The following AARSD1 variants were observed in gnomAD, a reference collection of about 807,000 sequenced individuals.
The protein encoded by AARSD1 is alanyl-tRNA synthetase domain containing 1.
In AARSD1, 44 loss-of-function variants were observed where a neutral mutation model predicts 48.7. The ratio of observed to expected loss-of-function variants is 0.90; its 90% CI spans 0.71 to 1.16. The LOEUF (loss-of-function observed/expected upper bound fraction) is 1.16. Among genes scored for constraint, AARSD1 ranks in the 50% most tolerant of loss-of-function variants. AARSD1 has a pLI of 0.00. For missense variants in AARSD1, 511 were observed against 523.1 expected (o/e 0.98, Z 0.23); for synonymous variants, 189 against 194.9 (o/e 0.97, Z 0.25).
intron 9 of AARSD1, among the ~76,000 whole-genome samples, chr17:42,954,487 T>G (rs12950605): frequency 0.59 from 89,444 of 151,584 alleles, 29,074 homozygotes; most frequent in East Asian, 0.84. Flanking sequence ...CAGGCCGGAG[T>G]GCTGTGGCGT....
chr17:42,955,055 C>G, intron 8 of AARSD1, 88 bp from the exon 9 acceptor site: 1 of 1,611,012 alleles, frequency 6.2e-7, no homozygotes, highest in Non-Finnish European at 8.5e-7. Flanking sequence ...TCCCCTCACT[C>G]CCACTTTGAC....
chr17:42,961,763 G>C (rs2049640376), intron 2 of AARSD1, among the ~76,000 whole-genome samples: 1 of 152,140 alleles, frequency 6.6e-6, no homozygotes, highest in Non-Finnish European at 1.5e-5. Context: ...GGGCATGGTA[G>C]CTTATTCCTG....
At chr17:42,952,045 A>C in intron 10 of AARSD1, 151 bp from the exon 11 acceptor site, 3 of 851,238 alleles carry the variant, frequency 3.5e-6, no homozygotes, top group Non-Finnish European at 5.3e-6. Context: ...GCCCCTCCAC[A>C]CTGGCCCACG....
intron 2 of AARSD1, among the ~76,000 whole-genome samples, chr17:42,962,708 C>T (rs2049654983): frequency 6.6e-6 from 1 of 152,190 alleles, no homozygotes; most frequent in Non-Finnish European, 1.5e-5. Context: ...GTCTACTGAA[C>T]ATGTTCTCTC....
intron 3 of AARSD1, among the ~76,000 whole-genome samples, chr17:42,958,556 A>T (rs886226927): frequency 5.1e-4 from 78 of 151,604 alleles, no homozygotes; most frequent in Non-Finnish European, 4.1e-4. Context: ...ATTTATTTTT[A>T]TTTATTTTTG....
chr17:42,956,346 T>C, intron 5 of AARSD1, 26 bp from the exon 6 acceptor site: 1 of 1,614,142 alleles, frequency 6.2e-7, no homozygotes, highest in Non-Finnish European at 8.5e-7. Context: ...GGGGAGGGAC[T>C]GTCTGAATCT....
At position 42,961,303 on chromosome 17, in the gene AARSD1, G is replaced by A. The variant is rs543646882; in HGVS notation, c.220C>T (p.Arg74Cys). The A allele has an allele frequency of 3.6e-5, 58 of 1,614,148 alleles. No homozygotes were observed. In the East Asian group the frequency reaches 9.6e-4, roughly 27 times the overall value. ...INDISVLRVT[R>C]RGEQADHFTQ... Reference sequence around the variant, plus strand: ...AAATGATCAGCCTGTTCCCCACGGCGAGTCACTCTCAGCACAGAGATGTCA... The same window carrying A: ...AAATGATCAGCCTGTTCCCCACGGCAAGTCACTCTCAGCACAGAGATGTCA... The change falls in exon 3 of 12, where the codon CGC becomes TGC. Residue 74 changes from arginine to cysteine, a missense_variant. Coordinates refer to ENST00000427569, the MANE Select transcript of AARSD1 (RefSeq NM_001261434.2).
chr17:42,954,304 C>G (rs1226463968), intron 9 of AARSD1, among the ~76,000 whole-genome samples: 2 of 151,810 alleles, frequency 1.3e-5, no homozygotes, highest in Non-Finnish European at 2.9e-5. Flanking sequence ...TACACTGAGC[C>G]GAGATCATGC....
At chr17:42,955,784 A>G (rs1162316039) in intron 7 of AARSD1, 58 bp downstream of exon 7, 8 of 1,608,742 alleles carry the variant, frequency 5.0e-6, no homozygotes, top group Non-Finnish European at 6.8e-6. Flanking sequence ...CAGAGGTAAG[A>G]GATTATGTCG....
chr17:42,964,368 C>G (rs1443856945), intron 1 of AARSD1, 34 bp downstream of exon 1: 1 of 1,561,656 alleles, frequency 6.4e-7, no homozygotes. Flanking sequence ...CTTGCCGGCC[C>G]GGCAGTCTCA....
chr17:42,957,409 C>G (rs893762422), intron 3 of AARSD1: 1 of 444,140 alleles, frequency 2.3e-6, no homozygotes, highest in Middle Eastern at 6.3e-4. Flanking sequence ...GAAACTGAAG[C>G]CTAGAGAGAT....
intron 3 of AARSD1, among the ~76,000 whole-genome samples, chr17:42,958,566 G>GTATT (rs1287863560): frequency 2.6e-5 from 4 of 151,042 alleles, no homozygotes; most frequent in Non-Finnish European, 4.4e-5. Flanking sequence ...ATTTATTTTT[G>GTATT]TATTTATTTA....
At chr17:42,962,837 C>A (rs1457204494) in intron 2 of AARSD1, among the ~76,000 whole-genome samples, 5 of 152,128 alleles carry the variant, frequency 3.3e-5, no homozygotes, top group Non-Finnish European at 7.4e-5. Context: ...TCAAGATCAG[C>A]CTGGGCAATA....
chr17:42,961,168 T>C, intron 3 of AARSD1, 24 bp downstream of exon 3: 1 of 1,597,736 alleles, frequency 6.3e-7, no homozygotes, highest in Non-Finnish European at 8.5e-7. Context: ...GCTCCGGTGT[T>C]ATGTCCCCCA....
chr17:42,958,047 C>T (rs1389275199), intron 3 of AARSD1, among the ~76,000 whole-genome samples: 2 of 152,072 alleles, frequency 1.3e-5, no homozygotes, highest in Admixed American at 1.3e-4. Flanking sequence ...AGGATGCAGC[C>T]AGCAAGAGGT....
rs1597718423 is a variant in AARSD1 at position 42,961,429 on chromosome 17, G to A, written c.172-78C>T. ...TCTAGGTACAAAGACCCTCTAGGGT[G>A]AGAGACCCAGAATCTGGGCTCCCTA... On this transcript the variant is annotated intron_variant, in intron 2 of 11. Coordinates refer to ENST00000427569, the MANE Select transcript of AARSD1 (RefSeq NM_001261434.2). The A allele has an allele frequency of 2.5e-6, 4 of 1,591,412 alleles. No individual in the cohort carries two copies. In the Middle Eastern group the frequency reaches 5.3e-4, roughly 210 times the overall value.
At chr17:42,961,121 C>T (rs549476780) in intron 3 of AARSD1, 71 bp downstream of exon 3, 21 of 1,529,790 alleles carry the variant, frequency 1.4e-5, no homozygotes, top group Admixed American at 1.1e-4. Flanking sequence ...ACCCAAACTA[C>T]GTCTCAGTCA....
intron 2 of AARSD1, 46 bp from the exon 3 acceptor site, chr17:42,961,397 C>T: frequency 1.9e-6 from 3 of 1,612,228 alleles, no homozygotes; most frequent in South Asian, 2.2e-5. Flanking sequence ...CAGGGCTCAC[C>T]CTAACTTCTA....
chr17:42,964,431 A>G lies in AARSD1; in HGVS notation c.10T>C (p.Trp4Arg). The change falls in exon 1 of 12, where the codon TGG becomes CGG. Residue 4 changes from tryptophan (W) to arginine (R), a missense_variant. Coordinates refer to ENST00000427569, the MANE Select transcript of AARSD1 (RefSeq NM_001261434.2). MAFWCQRDSYAREF... is the reference protein window; with the variant it reads MAFRCQRDSYAREF... ...CGGGCATAACTGTCACGCTGACACC[A>G]GAACGCCATACCTGCAGGCGTGTGA... is the stretch of plus-strand genomic sequence containing the variant. The G allele has an allele frequency of 6.4e-7, 1 of 1,550,820 alleles. No homozygotes were observed. Among genetic ancestry groups the G allele is most frequent in the Non-Finnish European group, 8.7e-7 (1 of 1,147,040 alleles).
Sources: gnomAD v4.1 joint callset for allele counts (sites outside exome capture counted in the v4.1 genomes callset) on GRCh38, gnomAD v4.1.1 for gene constraint, MANE v1.5 for transcripts, NCBI Gene and HGNC (gene_info 2026-07-23, HGNC 2026-07-21) for gene names.